The following ARMCX4 variants were observed in gnomAD, a reference collection of about 807,000 sequenced individuals.
The protein encoded by ARMCX4 is armadillo repeat-containing X-linked protein 4.
Under a neutral mutation model 34.7 loss-of-function variants are expected in ARMCX4, and 3 were observed. That is an observed-to-expected ratio of 0.09 (90% confidence interval 0.04 to 0.22). The LOEUF (loss-of-function observed/expected upper bound fraction) is 0.22, where lower values mean the gene tolerates loss of function less well. Among genes scored for constraint, ARMCX4 ranks in the 10% least tolerant of loss-of-function variants. The pLI, the probability that ARMCX4 is intolerant of heterozygous loss-of-function variation, is 1.00. For missense variants in ARMCX4, 1,448 were observed against 1,720.8 expected (o/e 0.84, Z 2.81); for synonymous variants, 513 against 632.8 (o/e 0.81, Z 2.84).
chrX:101,458,519 T>C (rs1372922700), intron 4 of ARMCX4, among the ~76,000 whole-genome samples: 6 of 104,576 alleles, frequency 5.7e-5, no homozygotes, highest in African/African-American at 1.1e-4. Context: ...TCCCCCCCCT[T>C]TTTTTTTTTT....
chrX:101,458,331 A>G (rs782423666), intron 4 of ARMCX4, among the ~76,000 whole-genome samples: 1 of 111,263 alleles, frequency 9.0e-6, no homozygotes, highest in East Asian at 2.8e-4. Flanking sequence ...CTTGGTAACT[A>G]GTAAAATAAC....
intron 11 of ARMCX4, among the ~76,000 whole-genome samples, chrX:101,512,875 G>T (rs782311899): frequency 8.8e-5 from 5 of 57,079 alleles, no homozygotes; most frequent in African/African-American, 3.2e-4. Flanking sequence ...TATATGTAGA[G>T]AGAGAGAGAG....
intron 2 of ARMCX4, among the ~76,000 whole-genome samples, chrX:101,441,258 C>T (rs1489523527): frequency 9.0e-6 from 1 of 111,120 alleles, no homozygotes; most frequent in Non-Finnish European, 1.9e-5. Context: ...TGATGCTGAG[C>T]CTCAGACAGG....
At chrX:101,423,282 G>A (rs1019673445) in intron 2 of ARMCX4, among the ~76,000 whole-genome samples, 18 of 109,980 alleles carry the variant, frequency 1.6e-4, no homozygotes, top group African/African-American at 5.3e-4. Flanking sequence ...CCTCATTTTC[G>A]CGAATTACAG....
rs888546016 is a variant in ARMCX4, at chrX:101,494,236, G to C, written c.5647G>C (p.Gly1883Arg). ...GTCCTGGACCTTGGCTAGGAATGTG[G>C]GAGAGGATGAGCTAAGTAGAGAGTC... Reference protein sequence around the residue: ...VESWTLARNVGEDELSRESSP... With the variant: ...VESWTLARNVREDELSRESSP... Residue 1883 changes from glycine (G) to arginine (R), a missense_variant, in exon 6 of 6, where the codon GGA (glycine) becomes CGA (arginine). Coordinates refer to ENST00000423738, the MANE Select transcript of ARMCX4 (RefSeq NM_001256155.3). The C allele has an allele frequency of 6.9e-6, 8 of 1,151,598 alleles. No homozygotes were observed. Among genetic ancestry groups the C allele is most frequent in the Non-Finnish European group, 8.0e-6 (7 of 870,964 alleles). The allele number at this position is 1,151,598 out of a possible 1,213,427, so 94.9% of individuals were successfully genotyped here.
At chrX:101,487,852 A>G (rs188898026) in intron 4 of ARMCX4, among the ~76,000 whole-genome samples, 161 bp downstream of exon 4, 2 of 110,955 alleles carry the variant, frequency 1.8e-5, no homozygotes, top group African/African-American at 6.6e-5. Context: ...CCATACCCTC[A>G]CCTTAATTCT....
chrX:101,504,485 C>T (rs782003309), intron 7 of ARMCX4, among the ~76,000 whole-genome samples: 2 of 110,361 alleles, frequency 1.8e-5, no homozygotes, highest in Admixed American at 2.0e-4. Context: ...TTCTAGACCC[C>T]AGACCCTTCA....
intron 2 of ARMCX4, among the ~76,000 whole-genome samples, chrX:101,430,663 A>G (rs1555991778): frequency 1.8e-5 from 2 of 112,433 alleles, no homozygotes; most frequent in Non-Finnish European, 3.7e-5. Flanking sequence ...GAAGCAAATC[A>G]AACACTGATG....
intron 11 of ARMCX4, among the ~76,000 whole-genome samples, chrX:101,514,000 G>A (rs1422000361): frequency 9.0e-6 from 1 of 110,988 alleles, no homozygotes; most frequent in African/African-American, 3.3e-5. Flanking sequence ...CTTCCATTGT[G>A]GAATAGACTC....
chrX:101,506,531 A>AAG (rs1285624574), intron 8 of ARMCX4, among the ~76,000 whole-genome samples: 4 of 110,359 alleles, frequency 3.6e-5, no homozygotes, highest in Non-Finnish European at 7.6e-5. Context: ...GAGAGAGAGA[A>AAG]AGAGAGAGAG....
intron 11 of ARMCX4, among the ~76,000 whole-genome samples, chrX:101,522,969 A>G (rs930692517): frequency 2.7e-5 from 3 of 112,202 alleles, no homozygotes; most frequent in Non-Finnish European, 5.6e-5. Flanking sequence ...CAGAACAGCC[A>G]GGGAAGGAGA....
At chrX:101,480,255 A>G (rs1381023933) in intron 4 of ARMCX4, among the ~76,000 whole-genome samples, 2 of 109,743 alleles carry the variant, frequency 1.8e-5, no homozygotes, top group Non-Finnish European at 3.8e-5. Context: ...TTCTGGAGTT[A>G]GGTGCCATGG....
Position 101,488,145 on chromosome X carries a change from C to A in ARMCX4, c.-147+46C>A, listed in dbSNP as rs1038873545. On this transcript the variant is annotated intron_variant, in intron 5 of 5. Coordinates refer to ENST00000423738, the MANE Select transcript of ARMCX4 (RefSeq NM_001256155.3). The stretch of plus-strand genomic sequence containing the variant: ...CTGTAGACAGGTGACCAGAGTAGGT[C>A]CAGTAGAAATCAAAGTCTGGGACTT... The A allele has an allele frequency of 9.4e-6, 5 of 530,966 alleles. No homozygotes were observed. The Admixed American group carries it at 1.1e-4, about 12-fold the overall frequency. The allele number at this position is 530,966 out of a possible 1,213,427, so 43.8% of individuals were successfully genotyped here. A position where few individuals can be genotyped will look rare whatever the true frequency, so the allele number is the denominator to read the frequency against.
At chrX:101,486,300 T>C (rs1342627655) in intron 2 of ARMCX4, among the ~76,000 whole-genome samples, 1 of 103,529 alleles carries the variant, frequency 9.7e-6, no homozygotes, top group Non-Finnish European at 2.1e-5. Context: ...GATGCTTTTA[T>C]TTGCATTTCA....
intron 4 of ARMCX4, among the ~76,000 whole-genome samples, chrX:101,454,275 T>A (rs1315119801): frequency 1.9e-5 from 2 of 107,279 alleles, no homozygotes; most frequent in African/African-American, 3.4e-5. Flanking sequence ...AATTTCTTTT[T>A]TTTTTTTTAT....
chrX:101,489,568 A>G lies in ARMCX4; in HGVS notation c.979A>G (p.Lys327Glu), dbSNP rs782108394. The G allele has an allele frequency of 8.0e-4, 928 of 1,153,454 alleles. 1 individual carries two copies. Among genetic ancestry groups the G allele is most frequent in the Non-Finnish European group, 9.7e-4 (844 of 872,401 alleles). Residue 327 changes from lysine (K) to glutamate (E), a missense_variant, in exon 6 of 6, where the codon AAA becomes GAA. Physicochemically the swap from Lys to Glu is moderately conservative, Grantham distance 56. This residue lies in a region of ARMCX4 where 1,343 missense variants were observed against 1,540.7 expected (regional missense o/e 0.87). Coordinates refer to ENST00000423738, the MANE Select transcript of ARMCX4 (RefSeq NM_001256155.3). ...RASAQPQIFA[K>E]TQTEAIPGAK... ...TTCTGCTCAGCCTCAAATTTTTGCC[A>G]AAACCCAGACTGAGGCCATTCCTGG...
chrX:101,489,487 G>A lies in ARMCX4; in HGVS notation c.898G>A (p.Asp300Asn). ...TGACATGCCTGGTACTGGGGTTGAG[G>A]ACATGGGGAATTGTAAAACCATGTC... ...GDDMPGTGVE[D>N]MGNCKTMSRA... The change falls in exon 6 of 6, where the codon GAC becomes AAC. Residue 300 changes from aspartate (D) to asparagine (N), a missense_variant. Physicochemically the swap from Asp to Asn is conservative, Grantham distance 23 (BLOSUM62 1). Coordinates refer to ENST00000423738, the MANE Select transcript of ARMCX4 (RefSeq NM_001256155.3). 8.7e-7 allele frequency: 1 copy of A among 1,155,522 alleles called. No homozygotes were observed. The highest frequency in any genetic ancestry group is 1.1e-6 in the Non-Finnish European group (1 of 872,736).
rs371450982 is a variant in ARMCX4, at chrX:101,431,833, A to G, written n.165-12219A>G. ...GCTGGGATTATAGGCGTGAGCCACC[A>G]CGCCTGGCCTGCACCATGTTTCTTA... On this transcript the variant is annotated intron_variant and non_coding_transcript_variant, in intron 2 of 3. Transcript: ENST00000430461. Among the ~76,000 whole-genome samples the G allele has an allele frequency of 4.6e-3, 522 of 112,332 alleles. 2 individuals are homozygous for G. The South Asian group carries it at 0.06, about 13-fold the overall frequency.
chrX:101,440,743 G>A (rs1486261165), intron 2 of ARMCX4, among the ~76,000 whole-genome samples: 2 of 111,553 alleles, frequency 1.8e-5, no homozygotes, highest in South Asian at 3.8e-4. Flanking sequence ...AGCAATTAGC[G>A]AGGCTCCGTG....
Sources: gnomAD v4.1 joint callset for allele counts (sites outside exome capture counted in the v4.1 genomes callset) on GRCh38, gnomAD v4.1.1 for gene constraint, gnomAD v4.1.1 regional missense constraint, MANE v1.5 for transcripts, NCBI Gene and HGNC (gene_info 2026-07-23, HGNC 2026-07-21) for gene names.